The following ATP11A variants were observed in gnomAD, a reference collection of about 807,000 sequenced individuals.
ATP11A encodes the protein phospholipid-transporting ATPase IH.
A neutral mutation model predicts 154.4 loss-of-function variants in ATP11A; 81 were observed. That is an observed-to-expected ratio of 0.52 (90% CI 0.44 to 0.63). The LOEUF is 0.63. Among genes scored for constraint, ATP11A ranks in the 30% least tolerant of loss-of-function variants. ATP11A has a pLI of 0.00. For missense variants in ATP11A, 1,316 were observed against 1,474.3 expected (o/e 0.89, Z 1.76); for synonymous variants, 623 against 585.9 (o/e 1.06, Z -0.91).
At position 112,881,972 on chromosome 13, in the gene ATP11A, G is replaced by A. The variant is rs756922422; in HGVS notation, c.*106G>A. ...GGCCTGGAAGGAGAAGGTGTCCACG[G>A]AGCCCCCACCCATCCTCGGCGGTTC... On this transcript the variant is annotated 3_prime_UTR_variant, in exon 30 of 30. Coordinates refer to ENST00000375645, the MANE Select transcript of ATP11A (RefSeq NM_015205.3). 1.0e-5 allele frequency: 14 copies of A among 1,367,700 alleles called. No homozygotes were observed. Among genetic ancestry groups the A allele is most frequent in the Non-Finnish European group, 1.4e-5 (14 of 1,022,004 alleles). The allele number at this position is 1,367,700 out of a possible 1,614,324, so 84.7% of individuals were successfully genotyped here.
Position 112,859,493 on chromosome 13 carries a change from C to T in ATP11A, c.2727+41C>T. ...TTCAGGGACAGGCTGTCTGAGCCTT[C>T]TTTTCCTTCCCGCAGTGGGTGGCTG... On this transcript the variant is annotated intron_variant, in intron 23 of 29. Coordinates refer to ENST00000375645, the MANE Select transcript of ATP11A (RefSeq NM_015205.3). This position sits in a 1 kb window ranked among gnomAD's most constrained non-coding sequence, Gnocchi z 4.3. 1 of 1,548,482 alleles carries T rather than the reference C, an allele frequency of 6.5e-7. No homozygotes were observed. Among genetic ancestry groups the T allele is most frequent in the South Asian group, 1.1e-5 (1 of 89,656 alleles).
At chr13:112,718,683 T>TG (rs1436308229) in intron 1 of ATP11A, among the ~76,000 whole-genome samples, 1 of 146,190 alleles carries the variant, frequency 6.8e-6, no homozygotes, top group African/African-American at 2.4e-5. Context: ...TTTTTTTTTT[T>TG]TTTTGAGACT....
At chr13:112,855,633 G>A (rs113830536) in intron 19 of ATP11A, among the ~76,000 whole-genome samples, 5 of 152,192 alleles carry the variant, frequency 3.3e-5, no homozygotes, top group African/African-American at 1.2e-4. Flanking sequence ...CAAGATGAAC[G>A]CCTTCCTGTT....
At chr13:112,824,983 A>T (rs530561690) in intron 10 of ATP11A, among the ~76,000 whole-genome samples, 1 of 152,058 alleles carries the variant, frequency 6.6e-6, no homozygotes, top group Non-Finnish European at 1.5e-5. Flanking sequence ...TTTCAGAGTT[A>T]TTTACTTTTC....
In ATP11A at chr13:112,697,106, C is replaced by T. The variant is rs1242758339; in HGVS notation, c.39+6651C>T. On this transcript the variant is annotated intron_variant, in intron 1 of 29. Coordinates refer to ENST00000375645, the MANE Select transcript of ATP11A (RefSeq NM_015205.3). This position sits in a 1 kb window ranked among gnomAD's most constrained non-coding sequence, Gnocchi z 4.0. ...GTGCCTGCGTGTCCAGCCTGAGGGG[C>T]GGCCCACGCAGCAGCCTCTGGGAGC... 6.6e-6 allele frequency among the ~76,000 whole-genome samples: 1 copy of T among 152,116 alleles called. No homozygotes were observed. The highest frequency in any genetic ancestry group is 1.5e-5 in the Non-Finnish European group (1 of 67,992).
chr13:112,865,355 T>C (rs12865001), intron 25 of ATP11A, among the ~76,000 whole-genome samples: 6 of 74,574 alleles, frequency 8.0e-5, no homozygotes, highest in African/African-American at 2.1e-4. Flanking sequence ...TCACCACATG[T>C]GCAGTAATTC....
intron 1 of ATP11A, among the ~76,000 whole-genome samples, chr13:112,736,884 G>A (rs73576497): frequency 0.011 from 1,705 of 152,298 alleles, 35 homozygotes; most frequent in African/African-American, 0.039. Flanking sequence ...TTGGCAGAGC[G>A]CAGGTCTGGT....
intron 1 of ATP11A, among the ~76,000 whole-genome samples, chr13:112,704,854 C>G (rs866817922): frequency 2.5e-4 from 38 of 152,246 alleles, no homozygotes; most frequent in Admixed American, 7.2e-4. Context: ...AGAATGCCAT[C>G]TAGATTTTGG....
At chr13:112,842,499 G>T (rs765688247) in intron 17 of ATP11A, 120 bp downstream of exon 17, 1 of 835,474 alleles carries the variant, frequency 1.2e-6, no homozygotes, top group Non-Finnish European at 1.9e-6. Flanking sequence ...GGAATGTTTA[G>T]AAATCAGCTG....
chr13:112,758,346 G>A (rs1594575911), intron 1 of ATP11A, among the ~76,000 whole-genome samples: 1 of 152,074 alleles, frequency 6.6e-6, no homozygotes, highest in South Asian at 2.1e-4. Context: ...ACAGGCTTGA[G>A]CCACCACACC....
At chr13:112,740,862 G>A (rs561737481) in intron 1 of ATP11A, among the ~76,000 whole-genome samples, 2 of 152,334 alleles carry the variant, frequency 1.3e-5, no homozygotes, top group South Asian at 2.1e-4. Flanking sequence ...GTCCCGGGTC[G>A]TTGACCCACC....
At chr13:112,867,375 C>G (rs999048974) in intron 25 of ATP11A, among the ~76,000 whole-genome samples, 1 of 152,314 alleles carries the variant, frequency 6.6e-6, no homozygotes, top group African/African-American at 2.4e-5. Flanking sequence ...GCTCTAGTTC[C>G]AAATTTCAGC....
intron 2 of ATP11A, among the ~76,000 whole-genome samples, chr13:112,789,774 G>A (rs143423852): frequency 1.1e-3 from 166 of 150,138 alleles, no homozygotes; most frequent in African/African-American, 4.0e-3. Context: ...TTCACACCGG[G>A]TGTCCTGATG....
intron 29 of ATP11A, among the ~76,000 whole-genome samples, chr13:112,879,041 G>C (rs1357133629): frequency 3.3e-5 from 5 of 152,252 alleles, no homozygotes; most frequent in Admixed American, 3.3e-4. Context: ...TTTCTGCGGT[G>C]GTGTCCATGA....
chr13:112,763,164 G>A (rs1051993403), intron 1 of ATP11A, among the ~76,000 whole-genome samples: 1 of 152,154 alleles, frequency 6.6e-6, no homozygotes, highest in African/African-American at 2.4e-5. Flanking sequence ...CAAATCCCAG[G>A]TACACGTTAT....
chr13:112,737,627 C>A (rs887722881), intron 1 of ATP11A, among the ~76,000 whole-genome samples: 1 of 152,188 alleles, frequency 6.6e-6, no homozygotes, highest in Non-Finnish European at 1.5e-5. Flanking sequence ...AGGGAGGTCA[C>A]CGAGGGCCTC....
chr13:112,839,408 C>T (rs77614014), intron 16 of ATP11A, among the ~76,000 whole-genome samples: 298 of 152,210 alleles, frequency 2.0e-3, no homozygotes, highest in African/African-American at 6.7e-3. Flanking sequence ...CCAGCCATTT[C>T]GGGGACATTT....
rs766123805 is a variant in ATP11A at position 112,823,338 on chromosome 13, T to C, written c.726-7T>C. 5 of 1,612,920 alleles carry C rather than the reference T, an allele frequency of 3.1e-6. No individual in the cohort carries two copies. The highest frequency in any genetic ancestry group is 4.2e-6 in the Non-Finnish European group (5 of 1,179,112). ...CCGCATCATTTCTGATCATCGTATC[T>C]TTACAGGCCCTTAGGATCGGAAAAC... On this transcript the variant is annotated splice_polypyrimidine_tract_variant and splice_region_variant and intron_variant, in intron 8 of 29. Transcript: ENST00000375645.
intron 1 of ATP11A, among the ~76,000 whole-genome samples, chr13:112,744,143 AAAC>A (rs1202280119): frequency 6.6e-6 from 1 of 152,184 alleles, no homozygotes; most frequent in Non-Finnish European, 1.5e-5. Flanking sequence ...AAGAAAGTTA[AAAC>A]AAGAAGGCAG....
Sources: allele counts gnomAD v4.1 joint callset (sites outside exome capture counted in the v4.1 genomes callset), GRCh38; gene constraint gnomAD v4.1.1; non-coding constraint Gnocchi (gnomAD v3.1); transcripts MANE v1.5; gene names NCBI Gene and HGNC (gene_info 2026-07-23, HGNC 2026-07-21).